The following ALG13 variants were observed in gnomAD, a reference collection of about 807,000 sequenced individuals.
The protein encoded by ALG13 is UDP-N-acetylglucosamine transferase subunit ALG13.
A neutral mutation model predicts 87.8 loss-of-function variants in ALG13; 11 were observed. That is an observed-to-expected ratio of 0.13 (90% CI 0.08 to 0.21). The LOEUF (loss-of-function observed/expected upper bound fraction) is 0.21, where lower values mean the gene tolerates loss of function less well. Among genes scored for constraint, ALG13 ranks in the 10% least tolerant of loss-of-function variants. The pLI is 1.00. For missense variants in ALG13, 756 were observed against 866.1 expected (o/e 0.87, Z 1.60); for synonymous variants, 320 against 306.3 (o/e 1.04, Z -0.47).
chrX:111,739,675 T>C (rs1023345753), intron 23 of ALG13, among the ~76,000 whole-genome samples: 1 of 112,569 alleles, frequency 8.9e-6, no homozygotes, highest in Non-Finnish European at 1.9e-5. Flanking sequence ...CAAACTGATT[T>C]TCAAGCACAA....
intron 22 of ALG13, among the ~76,000 whole-genome samples, chrX:111,736,297 C>G (rs773025270): frequency 1.5e-4 from 17 of 111,442 alleles, no homozygotes; most frequent in Middle Eastern, 9.2e-3. Context: ...GAGTGAGACC[C>G]TGTCTCAAAG....
intron 8 of ALG13, among the ~76,000 whole-genome samples, chrX:111,716,785 T>G (rs1178635831): frequency 8.9e-6 from 1 of 111,780 alleles, no homozygotes; most frequent in Non-Finnish European, 1.9e-5. Context: ...AAAAGAATGC[T>G]TAGGATAATT....
intron 5 of ALG13, 70 bp downstream of exon 5, chrX:111,709,118 C>A: frequency 1.6e-6 from 1 of 614,400 alleles, no homozygotes; most frequent in Non-Finnish European, 2.4e-6. Flanking sequence ...TTGTGAGCAC[C>A]TACCAAAATT....
chrX:111,758,564 T>C (rs1461349938), intron 26 of ALG13, among the ~76,000 whole-genome samples: 1 of 112,414 alleles, frequency 8.9e-6, no homozygotes, highest in African/African-American at 3.2e-5. Flanking sequence ...TGAGGAAATG[T>C]GTCAACATTT....
At chrX:111,735,010 T>C (rs1456310556) in intron 21 of ALG13, 41 bp from the exon 22 acceptor site, 1 of 853,832 alleles carries the variant, frequency 1.2e-6, no homozygotes, top group African/African-American at 2.0e-5. Context: ...GTTATTGATG[T>C]GTTGTTTGTT....
intron 23 of ALG13, among the ~76,000 whole-genome samples, chrX:111,739,458 A>G (rs1943562267): frequency 8.9e-6 from 1 of 112,459 alleles, no homozygotes; most frequent in Non-Finnish European, 1.9e-5. Context: ...ATACCTGAGA[A>G]TATTGACCCA....
intron 4 of ALG13, 135 bp downstream of exon 4, chrX:111,708,528 G>C (rs1393384832): frequency 1.3e-6 from 1 of 760,134 alleles, no homozygotes; most frequent in Non-Finnish European, 1.9e-6. Flanking sequence ...AGGTCCTAGA[G>C]AGAAGCTGCC....
chrX:111,750,025 A>G (rs1460645256), intron 24 of ALG13, among the ~76,000 whole-genome samples: 1 of 111,874 alleles, frequency 8.9e-6, no homozygotes, highest in Non-Finnish European at 1.9e-5. Flanking sequence ...AAAGTTCAAC[A>G]GACTAAGTAT....
intron 19 of ALG13, 126 bp from the exon 20 acceptor site, chrX:111,730,269 T>C (rs1446164150): frequency 1.9e-6 from 1 of 526,309 alleles, no homozygotes; most frequent in Admixed American, 3.3e-5. Context: ...TTTCAGGATG[T>C]ATGCATTTTA....
Position 111,727,762 on chromosome X carries a change from A to T in ALG13, c.2239A>T (p.Thr747Ser). Residue 747 changes from threonine (T) to serine (S), a missense_variant, in exon 18 of 27, where the codon ACT becomes TCT. By Grantham distance (58) the Thr-to-Ser change is moderately conservative. Around this residue, in one of 9 missense-constraint regions of ALG13, gnomAD observed 362 missense variants for 383.5 expected, o/e 0.94. Transcript: ENST00000394780. Reference sequence around the variant, plus strand: ...AGAAGGGGATGAGACTGCTTATCCAACTTTACCTGTGAGTGGATCAATGCT... The same window carrying T: ...AGAAGGGGATGAGACTGCTTATCCATCTTTACCTGTGAGTGGATCAATGCT... Reference protein sequence around the residue: ...VEEGDETAYPTLPNHGGPSTM... With the variant: ...VEEGDETAYPSLPNHGGPSTM... 8.3e-7 allele frequency: 1 copy of T among 1,202,170 alleles called. No homozygotes were observed. Among genetic ancestry groups the T allele is most frequent in the Non-Finnish European group, 1.1e-6 (1 of 891,762 alleles).
intron 3 of ALG13, chrX:111,689,422 A>T: frequency 1.6e-5 from 12 of 752,493 alleles, no homozygotes; most frequent in Non-Finnish European, 1.9e-5. Context: ...GGCAAGGTCT[A>T]CTCAAATATC....
intron 3 of ALG13, among the ~76,000 whole-genome samples, chrX:111,703,423 CT>C (rs1468610259): frequency 9.0e-6 from 1 of 111,285 alleles, no homozygotes; most frequent in African/African-American, 3.3e-5. Context: ...GGCCTGTTTT[CT>C]TATATAGTTC....
intron 3 of ALG13, among the ~76,000 whole-genome samples, chrX:111,693,577 T>C (rs1173537063): frequency 8.9e-6 from 1 of 111,745 alleles, no homozygotes; most frequent in East Asian, 2.8e-4. Context: ...TGATACTGAT[T>C]CTTGAAAAAT....
chrX:111,697,617 C>T (rs1047455716), intron 3 of ALG13, among the ~76,000 whole-genome samples: 3 of 112,022 alleles, frequency 2.7e-5, no homozygotes, highest in African/African-American at 9.7e-5. Context: ...GTATTAAATA[C>T]CTTGAAGTGG....
At chrX:111,681,655 G>A in intron 1 of ALG13, 1 of 904,526 alleles carries the variant, frequency 1.1e-6, no homozygotes, top group Non-Finnish European at 1.4e-6. Flanking sequence ...ACCGGGCTCG[G>A]CAGTTTTTCC....
chrX:111,694,307 A>G (rs1323346040), intron 3 of ALG13, among the ~76,000 whole-genome samples: 1 of 111,691 alleles, frequency 9.0e-6, no homozygotes, highest in Non-Finnish European at 1.9e-5. Context: ...AGCCTCCCAA[A>G]GTGCTGGGAT....
chrX:111,724,555 C>T (rs1694380706), intron 14 of ALG13, among the ~76,000 whole-genome samples: 2 of 112,184 alleles, frequency 1.8e-5, no homozygotes, highest in African/African-American at 6.5e-5. Context: ...CATCCATGAT[C>T]ATAGGGAATA....
chrX:111,734,647 C>T (rs1054041644), intron 21 of ALG13, among the ~76,000 whole-genome samples: 5 of 111,678 alleles, frequency 4.5e-5, no homozygotes, highest in East Asian at 2.8e-4. Context: ...TATTAAATCC[C>T]GCTTAGATAA....
At chrX:111,745,158 A>G (rs1902341145) in intron 24 of ALG13, among the ~76,000 whole-genome samples, 2 of 111,591 alleles carry the variant, frequency 1.8e-5, no homozygotes, top group Non-Finnish European at 3.8e-5. Context: ...TTTGGTAGCT[A>G]CATGTCTACC....
Sources: gnomAD v4.1 joint callset for allele counts (sites outside exome capture counted in the v4.1 genomes callset) on GRCh38, gnomAD v4.1.1 for gene constraint, gnomAD v4.1.1 regional missense constraint, MANE v1.5 for transcripts, NCBI Gene and HGNC (gene_info 2026-07-23, HGNC 2026-07-21) for gene names.